Variants in OTOGL observed in about 807,000 individuals in gnomAD.
OTOGL encodes otogelin like.
OTOGL carries 285 observed loss-of-function variants against 318.5 expected under a neutral mutation model. That is an observed-to-expected ratio of 0.89 (90% CI 0.81 to 0.99). OTOGL has a LOEUF of 0.99. Among genes scored for constraint, OTOGL ranks in the 50% least tolerant of loss-of-function variants. The probability of loss-of-function intolerance (pLI) is 0.00; values close to 1 mark genes in which losing one functional copy is unlikely to be tolerated. For synonymous variants in OTOGL, 987 were observed against 936.5 expected (o/e 1.05, Z -0.99); for missense variants, 2,899 against 2,845.6 (o/e 1.02, Z -0.43).
chr12:80,248,263 T>C (rs1283165926), intron 11 of OTOGL, among the ~76,000 whole-genome samples: 1 of 147,658 alleles, frequency 6.8e-6, no homozygotes, highest in African/African-American at 2.6e-5. Flanking sequence ...CTAGTCTCGA[T>C]GGTCTTTACA....
At chr12:80,131,648 A>G (rs1326554752) in intron 1 of OTOGL, among the ~76,000 whole-genome samples, 1 of 150,272 alleles carries the variant, frequency 6.7e-6, no homozygotes, top group Non-Finnish European at 1.5e-5. Flanking sequence ...TTTCTCTTGT[A>G]ATAATAATGA....
At chr12:80,100,778 C>T (rs1475257898) in intron 1 of OTOGL, among the ~76,000 whole-genome samples, 2 of 152,116 alleles carry the variant, frequency 1.3e-5, no homozygotes, top group Non-Finnish European at 2.9e-5. Context: ...TGGCTGTAGA[C>T]ATTGTGCTAA....
At chr12:80,366,500 ATATATATAGGT>A in intron 52 of OTOGL, 63 bp from the exon 53 acceptor site, 1 of 273,088 alleles carries the variant, frequency 3.7e-6, no homozygotes, top group Admixed American at 6.2e-5. Flanking sequence ...CAATTGTTTT[ATATATATAGGT>A]TATATATATA....
In OTOGL at chr12:80,255,119, C is replaced by T; in HGVS notation, c.1521C>T (p.Tyr507=). The T allele has an allele frequency of 6.5e-7, 1 of 1,526,946 alleles. No homozygotes were observed. Among genetic ancestry groups the T allele is most frequent in the South Asian group, 1.3e-5 (1 of 78,402 alleles). 94.6% of individuals were successfully genotyped at this position (1,526,946 alleles called of 1,614,324 possible). ...RHYSFIGMCQ[Y]ILVKGTGKDK... ...ATTCTTTTATTGGCATGTGCCAATA[C>T]ATCCTCGTGAAAGGAACTGGAAAAG... Residue 507 remains tyrosine (Y), a synonymous_variant, in exon 16 of 59, where the codon TAC becomes TAT. Transcript: ENST00000547103.
intron 11 of OTOGL, among the ~76,000 whole-genome samples, chr12:80,241,278 A>T (rs1880353144): frequency 6.6e-6 from 1 of 152,180 alleles, no homozygotes; most frequent in African/African-American, 2.4e-5. Flanking sequence ...GAGTGCAGTT[A>T]TACCTAGATT....
intron 1 of OTOGL, among the ~76,000 whole-genome samples, chr12:80,180,860 T>G (rs1345612942): frequency 1.3e-5 from 2 of 152,178 alleles, no homozygotes; most frequent in African/African-American, 2.4e-5. Flanking sequence ...ATCCCCTTTT[T>G]GTGAACCTCT....
chr12:80,121,873 G>A (rs1341342224), intron 1 of OTOGL, among the ~76,000 whole-genome samples: 1 of 152,132 alleles, frequency 6.6e-6, no homozygotes, highest in Non-Finnish European at 1.5e-5. Context: ...GTAATTGGAG[G>A]TGTGCCTGAG....
At chr12:80,366,988 A>C (rs1365566866) in intron 53 of OTOGL, among the ~76,000 whole-genome samples, 1 of 151,792 alleles carries the variant, frequency 6.6e-6, no homozygotes. Flanking sequence ...TTATTAATGT[A>C]TTTTTATTAA....
intron 28 of OTOGL, among the ~76,000 whole-genome samples, chr12:80,304,860 T>C (rs982755835): frequency 6.6e-6 from 1 of 152,216 alleles, no homozygotes; most frequent in Non-Finnish European, 1.5e-5. Flanking sequence ...CTCTCTTCAA[T>C]ATTGAAGAAT....
intron 6 of OTOGL, among the ~76,000 whole-genome samples, chr12:80,221,164 A>G (rs1282533669): frequency 2.0e-5 from 3 of 152,206 alleles, no homozygotes; most frequent in African/African-American, 4.8e-5. Flanking sequence ...AGGGTAAGAA[A>G]AAAAGGTAGG....
intron 11 of OTOGL, among the ~76,000 whole-genome samples, chr12:80,241,469 T>C (rs1474539816): frequency 6.6e-6 from 1 of 152,128 alleles, no homozygotes; most frequent in Non-Finnish European, 1.5e-5. Flanking sequence ...TGTTGTTTTT[T>C]TTCTCTTTTT....
At chr12:80,110,959 A>G (rs1484671028) in intron 1 of OTOGL, among the ~76,000 whole-genome samples, 8 of 152,140 alleles carry the variant, frequency 5.3e-5, no homozygotes, top group Admixed American at 3.9e-4. Flanking sequence ...GTGTGAAATG[A>G]TATCTCATTG....
rs533555810 is a variant in OTOGL, at chr12:80,155,997, T to C, written c.-19-53416T>C. Among the ~76,000 whole-genome samples the C allele has an allele frequency of 7.2e-5, 11 of 152,366 alleles. No homozygotes were observed. The South Asian group carries it at 1.9e-3, about 26-fold the overall frequency. On this transcript the variant is annotated intron_variant, in intron 1 of 58. Coordinates refer to ENST00000547103, the MANE Select transcript of OTOGL (RefSeq NM_001378609.3). ...AGTACTCCATTATGTATATGTACCA[T>C]ATTTTCTTTATCCACTTGTGATGGC...
chr12:80,195,712 G>C (rs1175479891), intron 1 of OTOGL, among the ~76,000 whole-genome samples: 2 of 152,176 alleles, frequency 1.3e-5, no homozygotes, highest in South Asian at 2.1e-4. Flanking sequence ...GGTCACAGTG[G>C]TGTGCTGGAG....
intron 35 of OTOGL, 57 bp from the exon 36 acceptor site, chr12:80,328,608 T>TA: frequency 1.5e-6 from 2 of 1,322,568 alleles, no homozygotes; most frequent in Non-Finnish European, 2.1e-6. Context: ...TGTAGTCCTT[T>TA]TTTTTTTGTA....
intron 1 of OTOGL, among the ~76,000 whole-genome samples, chr12:80,201,914 T>C (rs914604780): frequency 5.9e-5 from 9 of 152,152 alleles, no homozygotes; most frequent in African/African-American, 1.2e-4. Context: ...CTGGGAATAA[T>C]AACCTAATCA....
chr12:80,347,935 G>A (rs564587903), intron 44 of OTOGL, among the ~76,000 whole-genome samples: 1 of 152,248 alleles, frequency 6.6e-6, no homozygotes, highest in South Asian at 2.1e-4. Flanking sequence ...AGAAGTGTCT[G>A]TTCCTATCCT....
intron 15 of OTOGL, 131 bp downstream of exon 15, chr12:80,254,701 A>C (rs1360402008): frequency 4.3e-6 from 3 of 704,322 alleles, no homozygotes; most frequent in African/African-American, 1.8e-5. Flanking sequence ...GCAATTACTC[A>C]GAGGATACAT....
At chr12:80,273,365 AG>A (rs2137596453) in intron 24 of OTOGL, among the ~76,000 whole-genome samples, 1 of 152,208 alleles carries the variant, frequency 6.6e-6, no homozygotes, top group South Asian at 2.1e-4. Flanking sequence ...CAGTGCCAGC[AG>A]TTTATTGACT....
Sources: gnomAD v4.1 joint callset for allele counts (sites outside exome capture counted in the v4.1 genomes callset) on GRCh38, gnomAD v4.1.1 for gene constraint, MANE v1.5 for transcripts, NCBI Gene and HGNC (gene_info 2026-07-23, HGNC 2026-07-21) for gene names.